Variants in PIK3C2G observed in about 807,000 individuals in gnomAD.
The protein encoded by PIK3C2G is phosphatidylinositol 3-kinase C2 domain-containing subunit gamma.
In PIK3C2G, 168 loss-of-function variants were observed where a neutral mutation model predicts 181.1. That is an observed-to-expected ratio of 0.93 (90% CI 0.82 to 1.05). PIK3C2G has a LOEUF of 1.05. Among genes scored for constraint, PIK3C2G ranks in the 50% least tolerant of loss-of-function variants. The pLI is 0.00. For synonymous variants in PIK3C2G, 573 were observed against 592.2 expected, an observed-to-expected ratio of 0.97 and a Z score of 0.47; for missense variants, 1,869 against 1,732.8, an observed-to-expected ratio of 1.08 and a Z score of -1.40.
At chr12:18,611,111 A>G (rs2136606389) in intron 31 of PIK3C2G, among the ~76,000 whole-genome samples, 1 of 152,204 alleles carries the variant, frequency 6.6e-6, no homozygotes, top group African/African-American at 2.4e-5. Context: ...TGCATTTTAC[A>G]CTCAGATGAA....
intron 5 of PIK3C2G, among the ~76,000 whole-genome samples, chr12:18,294,652 C>T (rs1284735272): frequency 6.6e-6 from 1 of 151,848 alleles, no homozygotes; most frequent in African/African-American, 2.4e-5. Context: ...TAACCATTTG[C>T]CTGAAATTCC....
intron 18 of PIK3C2G, 29 bp from the exon 19 acceptor site, chr12:18,488,420 A>C (rs1224731431): frequency 4.8e-6 from 7 of 1,447,580 alleles, no homozygotes; most frequent in Non-Finnish European, 6.4e-6. Flanking sequence ...CTTTACATAC[A>C]AGAATTTTTT....
chr12:18,483,903 A>G (rs562759708), intron 18 of PIK3C2G, among the ~76,000 whole-genome samples: 1 of 152,210 alleles, frequency 6.6e-6, no homozygotes, highest in Non-Finnish European at 1.5e-5. Flanking sequence ...GCTCCACCTG[A>G]CTGTGCATCA....
chr12:18,481,039 T>A (rs997103024), intron 18 of PIK3C2G, among the ~76,000 whole-genome samples: 2 of 152,138 alleles, frequency 1.3e-5, no homozygotes, highest in Non-Finnish European at 2.9e-5. Flanking sequence ...CTCAAGCAAT[T>A]CTCCTGCCTC....
At chr12:18,392,055 AAG>A (rs1943570084) in intron 15 of PIK3C2G, among the ~76,000 whole-genome samples, 1 of 152,156 alleles carries the variant, frequency 6.6e-6, no homozygotes, top group African/African-American at 2.4e-5. Flanking sequence ...GTGACAGTAG[AAG>A]CAAGCAGTGC....
intron 18 of PIK3C2G, among the ~76,000 whole-genome samples, chr12:18,427,078 C>T (rs1415836102): frequency 6.6e-6 from 1 of 151,884 alleles, no homozygotes; most frequent in Non-Finnish European, 1.5e-5. Context: ...TGTTTAATTC[C>T]CTTAAAACTT....
rs1334215947 is a variant in PIK3C2G, at chr12:18,562,892, T to C, written c.3780T>C (p.Asn1260=). Residue 1260 remains asparagine (N), a splice_region_variant and synonymous_variant, in exon 27 of 33, where the codon AAT becomes AAC. Coordinates refer to ENST00000538779, the MANE Select transcript of PIK3C2G (RefSeq NM_001288772.2). ...TAGGGTTCAGCAAGAAATCCAGTAA[T>C]GTAAGTTTAAAGTCCGTCATCTTGA... ...TILGFSKKSS[N]LYLIQVTHSN... is the part of the protein sequence containing the mutation. 25 of 1,586,686 alleles carry C rather than the reference T, an allele frequency of 1.6e-5. No homozygotes were observed. The highest frequency in any genetic ancestry group is 2.1e-5 in the Non-Finnish European group (24 of 1,163,852).
intron 28 of PIK3C2G, among the ~76,000 whole-genome samples, chr12:18,566,372 T>C (rs955173265): frequency 6.6e-6 from 1 of 152,176 alleles, no homozygotes; most frequent in African/African-American, 2.4e-5. Context: ...TGCTACCCAT[T>C]ACCAGTCATC....
At chr12:18,312,452 G>A (rs1950679453) in intron 5 of PIK3C2G, among the ~76,000 whole-genome samples, 1 of 152,090 alleles carries the variant, frequency 6.6e-6, no homozygotes, top group Admixed American at 6.6e-5. Flanking sequence ...TCCCATAGCA[G>A]GAACAGGGAA....
chr12:18,590,536 T>C (rs1214693793), intron 29 of PIK3C2G, among the ~76,000 whole-genome samples: 2 of 151,900 alleles, frequency 1.3e-5, no homozygotes, highest in Non-Finnish European at 2.9e-5. Flanking sequence ...CACTACTAAA[T>C]GTGGCAACAC....
intron 24 of PIK3C2G, among the ~76,000 whole-genome samples, chr12:18,528,833 G>A (rs1375156): frequency 0.76 from 116,218 of 152,162 alleles, 44,929 homozygotes; most frequent in East Asian, 0.96. Context: ...GTGCTGCATC[G>A]TCAAGTGAAG....
intron 31 of PIK3C2G, 151 bp from the exon 32 acceptor site, chr12:18,640,278 A>G (rs1204125551): frequency 4.8e-6 from 3 of 618,856 alleles, no homozygotes; most frequent in Non-Finnish European, 8.1e-6. Flanking sequence ...TTGAGCATGG[A>G]TGAATTTCTT....
the PIK3C2G span, among the ~76,000 whole-genome samples, chr12:18,720,235 T>A: frequency 6.6e-6 from 1 of 152,078 alleles, no homozygotes; most frequent in Non-Finnish European, 1.5e-5. Context: ...ATTGTATGAC[T>A]ATGCCACAAT....
chr12:18,719,798 G>A, the PIK3C2G span, among the ~76,000 whole-genome samples: 1 of 151,900 alleles, frequency 6.6e-6, no homozygotes, highest in African/African-American at 2.4e-5. Context: ...ACAAATTTTT[G>A]TAGTAAAACC....
chr12:18,285,250 C>T (rs993097299), intron 2 of PIK3C2G: 2 of 152,082 alleles, frequency 1.3e-5, no homozygotes, highest in African/African-American at 4.8e-5. Context: ...ATAAAACATA[C>T]TTCTATATCC....
intron 32 of PIK3C2G, among the ~76,000 whole-genome samples, chr12:18,646,011 C>T (rs1364395531): frequency 6.6e-6 from 1 of 152,074 alleles, no homozygotes; most frequent in Non-Finnish European, 1.5e-5. Flanking sequence ...AAAATACCCA[C>T]TTAGAGAAAA....
intron 1 of PIK3C2G, among the ~76,000 whole-genome samples, chr12:18,253,383 A>G (rs1468471907): frequency 6.6e-6 from 1 of 152,218 alleles, no homozygotes; most frequent in East Asian, 1.9e-4. Context: ...GTTGTTAAAA[A>G]AAATTGGTGC....
At chr12:18,718,792 C>G in the PIK3C2G span, among the ~76,000 whole-genome samples, 2 of 152,296 alleles carry the variant, frequency 1.3e-5, no homozygotes, top group Admixed American at 1.3e-4. Context: ...ATCTGTCTAT[C>G]TGCTTGTACA....
the PIK3C2G span, among the ~76,000 whole-genome samples, chr12:18,718,425 A>C: frequency 0.01 from 1,585 of 152,134 alleles, 13 homozygotes; most frequent in Non-Finnish European, 0.018. Context: ...CTGGGATAAA[A>C]TCTATTCTCC....
Sources: gnomAD v4.1 joint callset for allele counts (sites outside exome capture counted in the v4.1 genomes callset) on GRCh38, gnomAD v4.1.1 for gene constraint, MANE v1.5 for transcripts, NCBI Gene and HGNC (gene_info 2026-07-23, HGNC 2026-07-21) for gene names.